NPAS4: variants seen among roughly 807,000 people sequenced by gnomAD.
NPAS4 encodes the protein neuronal PAS domain-containing protein 4.
In NPAS4, 10 loss-of-function variants were observed where a neutral mutation model predicts 64.0. The ratio of observed to expected loss-of-function variants is 0.16; its 90% confidence interval spans 0.10 to 0.26. The LOEUF (loss-of-function observed/expected upper bound fraction) is 0.26. Ranked by LOEUF, NPAS4 falls within the 10% of genes least tolerant of loss-of-function variation. The probability of loss-of-function intolerance (pLI) is 1.00; values close to 1 mark genes in which losing one functional copy is unlikely to be tolerated. For missense variants in NPAS4, 886 were observed against 992.6 expected (o/e 0.89, Z 1.44); for synonymous variants, 441 against 411.7 (o/e 1.07, Z -0.86).
At chr11:66,421,775 T>C (rs1244449903) in intron 1 of NPAS4, among the ~76,000 whole-genome samples, 2 of 152,190 alleles carry the variant, frequency 1.3e-5, no homozygotes, top group African/African-American at 2.4e-5. Context: ...TGCTGACGGC[T>C]GCGCCGGCCG....
upstream of NPAS4, chr11:66,417,020 T>C (rs1856679311): frequency 6.6e-6 from 1 of 152,148 alleles, no homozygotes; most frequent in Non-Finnish European, 1.5e-5. Context: ...CTCCCCCAGT[T>C]TCCCAATAAA....
the NPAS4 span, among the ~76,000 whole-genome samples, chr11:66,413,015 G>A: frequency 1.3e-5 from 2 of 152,172 alleles, no homozygotes; most frequent in Admixed American, 6.5e-5. Flanking sequence ...AGCACTTTAC[G>A]CTGGAGTTGA....
rs1451476835 is a variant in NPAS4 at position 66,422,169 on chromosome 11, G to A, written c.225G>A (p.Glu75=). 2 of 1,614,004 alleles carry A rather than the reference G, an allele frequency of 1.2e-6. No individual in the cohort carries two copies. Among genetic ancestry groups the A allele is most frequent in the African/African-American group, 1.3e-5 (1 of 74,912 alleles). ...GGCTTCTCTCAGCTCAAGAGCTTGAGGACATCGTAGCGGCACTACCCGGCT... is the reference window on the plus strand; with the variant it reads ...GGCTTCTCTCAGCTCAAGAGCTTGAAGACATCGTAGCGGCACTACCCGGCT... ...PTGLLSAQEL[E]DIVAALPGFL... is the part of the protein sequence containing the mutation. Residue 75 remains glutamate, a synonymous_variant, in exon 2 of 8, where the codon GAG becomes GAA. Coordinates refer to ENST00000311034, the MANE Select transcript of NPAS4 (RefSeq NM_178864.4).
chr11:66,414,708 A>G, the NPAS4 span, among the ~76,000 whole-genome samples: 1 of 152,240 alleles, frequency 6.6e-6, no homozygotes, highest in Admixed American at 6.5e-5. Flanking sequence ...GCGGAAGACA[A>G]CACGGTCACT....
At chr11:66,425,303 C>T in intron 7 of NPAS4, 33 bp downstream of exon 7, 1 of 1,273,726 alleles carries the variant, frequency 7.9e-7, no homozygotes, top group Non-Finnish European at 1.1e-6. Flanking sequence ...GAACTCAAGT[C>T]CCTGTCCTGC....
upstream of NPAS4, among the ~76,000 whole-genome samples, chr11:66,418,523 T>C (rs1036729807): frequency 6.6e-6 from 1 of 152,000 alleles, no homozygotes; most frequent in Non-Finnish European, 1.5e-5. Flanking sequence ...AGAGGAGACA[T>C]TGGGGCACAC....
intron 7 of NPAS4, among the ~76,000 whole-genome samples, chr11:66,425,650 A>T (rs867955157): frequency 6.6e-6 from 1 of 152,180 alleles, no homozygotes; most frequent in South Asian, 2.1e-4. Context: ...CTAGAGCTCT[A>T]TCCTAGTATC....
chr11:66,425,367 AT>A, intron 7 of NPAS4, 97 bp downstream of exon 7: 1 of 634,404 alleles, frequency 1.6e-6, no homozygotes, highest in Non-Finnish European at 2.6e-6. Flanking sequence ...CTGTACATTG[AT>A]TTTATTAAGG....
the NPAS4 span, among the ~76,000 whole-genome samples, chr11:66,413,181 C>T: frequency 6.6e-6 from 1 of 152,226 alleles, no homozygotes; most frequent in Non-Finnish European, 1.5e-5. Flanking sequence ...AGGATTTGGC[C>T]TCAGCGGTAA....
At chr11:66,420,071 C>G (rs916315812), upstream of NPAS4, among the ~76,000 whole-genome samples, 1 of 152,178 alleles carries the variant, frequency 6.6e-6, no homozygotes, top group Non-Finnish European at 1.5e-5. Context: ...CCGGCCCCGC[C>G]CCCGCCCCCG....
At chr11:66,419,765 A>G (rs994336765), upstream of NPAS4, among the ~76,000 whole-genome samples, 1 of 152,196 alleles carries the variant, frequency 6.6e-6, no homozygotes, top group Non-Finnish European at 1.5e-5. Context: ...AAAGGACAGA[A>G]AAAGAAACGA....
In NPAS4 at chr11:66,423,124, G is replaced by A; in HGVS notation, c.700G>A (p.Val234Ile). Residue 234 changes from valine (V) to isoleucine (I), a missense_variant and splice_region_variant, in exon 5 of 8, where the codon GTC becomes ATC. Around this residue, in one of 3 missense-constraint regions of NPAS4, gnomAD observed 820 missense variants for 855.5 expected, o/e 0.96. Transcript: ENST00000311034. The stretch of plus-strand genomic sequence containing the variant: ...ACCTCACCCTTTCCACCTTCCCAGT[G>A]TCCTAATCTACCTGGGCTTTGAGCG... ...DLALLDISES[V>I]LIYLGFERSE... 1 of 1,600,362 alleles carries A rather than the reference G, an allele frequency of 6.2e-7. No individual in the cohort carries two copies. The highest frequency in any genetic ancestry group is 8.5e-7 in the Non-Finnish European group (1 of 1,170,104).
At chr11:66,423,284 G>C (rs894188265) in intron 5 of NPAS4, 52 bp downstream of exon 5, 1 of 1,207,530 alleles carries the variant, frequency 8.3e-7, no homozygotes, top group African/African-American at 1.5e-5. Context: ...AAAGGGCATG[G>C]GAGACCAGAC....
In NPAS4 at chr11:66,426,256, C is replaced by T. The variant is rs1187052604; in HGVS notation, c.*267C>T. 1 of 409,362 alleles carries T rather than the reference C, an allele frequency of 2.4e-6. No individual in the cohort carries two copies. 25.4% of individuals were successfully genotyped at this position (409,362 alleles called of 1,614,324 possible). On this transcript the variant is annotated 3_prime_UTR_variant, in exon 8 of 8. Coordinates refer to ENST00000311034, the MANE Select transcript of NPAS4 (RefSeq NM_178864.4). ...GAGTTTCCTTGAATGGGATTTCAAGCGGAGAATGGGGGAGTCTCACTTCCC... is the reference window on the plus strand; with the variant it reads ...GAGTTTCCTTGAATGGGATTTCAAGTGGAGAATGGGGGAGTCTCACTTCCC...
At position 66,423,507 on chromosome 11, in the gene NPAS4, G is replaced by A. The variant is rs758989859; in HGVS notation, c.809-71G>A. ...CACGGCTATCTCAATTCAGTGGAGAGGTGACCAAGGGTGGGGAGTAGGTAG... is the reference window on the plus strand; with the variant it reads ...CACGGCTATCTCAATTCAGTGGAGAAGTGACCAAGGGTGGGGAGTAGGTAG... On this transcript the variant is annotated intron_variant, in intron 5 of 7. Coordinates refer to ENST00000311034, the MANE Select transcript of NPAS4 (RefSeq NM_178864.4). 1.4e-5 allele frequency: 22 copies of A among 1,573,190 alleles called. 1 individual carries two copies. Among genetic ancestry groups the A allele is most frequent in the Non-Finnish European group, 1.8e-5 (21 of 1,149,416 alleles).
At chr11:66,415,959 TG>T in the NPAS4 span, among the ~76,000 whole-genome samples, 2 of 152,100 alleles carry the variant, frequency 1.3e-5, no homozygotes, top group Non-Finnish European at 2.9e-5. Flanking sequence ...TTAAATTATC[TG>T]GGTGTAGTAG....
In NPAS4 at chr11:66,425,013, C is replaced by A. The variant is rs759012677; in HGVS notation, c.2123C>A (p.Thr708Lys). 1.2e-6 allele frequency: 2 copies of A among 1,613,938 alleles called. No homozygotes were observed. Among genetic ancestry groups the A allele is most frequent in the East Asian group, 2.2e-5 (1 of 44,858 alleles). Residue 708 changes from threonine to lysine, a missense_variant, in exon 7 of 8, where the codon ACG (threonine) becomes AAG (lysine). Transcript: ENST00000311034. Reference protein sequence around the residue: ...ADPDNMFLEETPVEDIFMDLS... With the variant: ...ADPDNMFLEEKPVEDIFMDLS... ...CCTGATAACATGTTCCTGGAAGAGACGCCCGTGGAAGACATCTTCATGGAT... is the reference window on the plus strand; with the variant it reads ...CCTGATAACATGTTCCTGGAAGAGAAGCCCGTGGAAGACATCTTCATGGAT...
chr11:66,424,777 G>A lies in NPAS4; in HGVS notation c.1887G>A (p.Gln629=), dbSNP rs747065716. The change falls in exon 7 of 8, where the codon CAG becomes CAA. Residue 629 remains glutamine (Q), a synonymous_variant. Transcript: ENST00000311034. ...QSFFHYSEKE[Q]NEIDRLIQQI... is the part of the protein sequence containing the mutation. The stretch of plus-strand genomic sequence containing the variant: ...TCTTCCACTACTCTGAAAAGGAGCA[G>A]AATGAGATAGACCGTCTCATCCAGC... 3.1e-6 allele frequency: 5 copies of A among 1,614,082 alleles called. No homozygotes were observed. The highest frequency in any genetic ancestry group is 4.2e-6 in the Non-Finnish European group (5 of 1,180,016).
chr11:66,410,075 A>C, the NPAS4 span: 1 of 152,260 alleles, frequency 6.6e-6, no homozygotes, highest in African/African-American at 2.4e-5. Flanking sequence ...GGGGTCCGGC[A>C]GGGCTCCCCA....
Sources: gnomAD v4.1 joint callset for allele counts (sites outside exome capture counted in the v4.1 genomes callset) on GRCh38, gnomAD v4.1.1 for gene constraint, gnomAD v4.1.1 regional missense constraint, MANE v1.5 for transcripts, NCBI Gene and HGNC (gene_info 2026-07-23, HGNC 2026-07-21) for gene names.